The following KIF11 variants were observed in gnomAD, a reference collection of about 807,000 sequenced individuals.
The protein encoded by KIF11 is kinesin-like protein KIF11.
A neutral mutation model predicts 121.0 loss-of-function variants in KIF11; 9 were observed. The observed-to-expected ratio is 0.07, with a 90% CI of 0.04 to 0.13. KIF11 has a LOEUF of 0.13. Ranked by LOEUF, KIF11 falls within the 10% of genes least tolerant of loss-of-function variation. KIF11 has a pLI of 1.00. For synonymous variants in KIF11, 408 were observed against 421.0 expected (o/e 0.97, Z 0.38); for missense variants, 846 against 1,217.5 (o/e 0.69, Z 4.54).
intron 2 of KIF11, 66 bp downstream of exon 2, chr10:92,606,463 C>G: frequency 7.3e-7 from 1 of 1,368,500 alleles, no homozygotes; most frequent in Non-Finnish European, 9.9e-7. Flanking sequence ...CATATTTTAC[C>G]TGGAAAATGG....
At chr10:92,604,836 C>T (rs1844411329) in intron 1 of KIF11, among the ~76,000 whole-genome samples, 1 of 152,124 alleles carries the variant, frequency 6.6e-6, no homozygotes, top group African/African-American at 2.4e-5. Context: ...TGATGCTACT[C>T]TGTGGACTGT....
chr10:92,615,224 T>G (rs1844541102), intron 8 of KIF11, among the ~76,000 whole-genome samples: 1 of 151,952 alleles, frequency 6.6e-6, no homozygotes, highest in Non-Finnish European at 1.5e-5. Context: ...AGCAACATGG[T>G]GAAACCCCAT....
intron 9 of KIF11, among the ~76,000 whole-genome samples, chr10:92,618,027 T>C (rs941766438): frequency 6.6e-6 from 1 of 152,098 alleles, no homozygotes; most frequent in East Asian, 1.9e-4. Flanking sequence ...CGTGAGCCAA[T>C]ACGCCTGGCC....
In KIF11 at chr10:92,639,652, A is replaced by C. The variant is rs1041538688; in HGVS notation, c.2161-142A>C. 1.1e-5 allele frequency: 6 copies of C among 554,548 alleles called. No homozygotes were observed. The African/African-American group carries it at 1.2e-4, about 11-fold the overall frequency. 34.4% of individuals were successfully genotyped at this position (554,548 alleles called of 1,614,324 possible). A position where few individuals can be genotyped will look rare whatever the true frequency, so the allele number is the denominator to read the frequency against. On this transcript the variant is annotated intron_variant, in intron 16 of 21. Coordinates refer to ENST00000260731, the MANE Select transcript of KIF11 (RefSeq NM_004523.4). ...CTTCCACTGCTTTCCTCTGTAGAAG[A>C]AAGGTAAAGTTAACTTTATCTCTTG... is the stretch of plus-strand genomic sequence containing the variant.
chr10:92,650,327 C>A, intron 20 of KIF11, 74 bp from the exon 21 acceptor site: 1 of 835,274 alleles, frequency 1.2e-6, no homozygotes, highest in Non-Finnish European at 2.1e-6. Context: ...TTGTGTTATA[C>A]TCAAAGCTGC....
intron 6 of KIF11, among the ~76,000 whole-genome samples, chr10:92,612,248 A>G (rs1463658693): frequency 4.0e-5 from 6 of 151,524 alleles, no homozygotes; most frequent in Admixed American, 3.3e-4. Context: ...TGATCCTCCC[A>G]CCTGAGCCTC....
intron 10 of KIF11, among the ~76,000 whole-genome samples, chr10:92,628,492 G>A (rs1273538922): frequency 2.0e-5 from 3 of 152,040 alleles, no homozygotes; most frequent in African/African-American, 4.8e-5. Flanking sequence ...GTTATAGTCC[G>A]TCCTCTGTTA....
At chr10:92,610,531 G>A (rs751967864) in intron 6 of KIF11, among the ~76,000 whole-genome samples, 4 of 152,112 alleles carry the variant, frequency 2.6e-5, no homozygotes, top group Non-Finnish European at 4.4e-5. Context: ...TAAAACAGAA[G>A]TGGTTTTTTT....
intron 10 of KIF11, among the ~76,000 whole-genome samples, chr10:92,624,777 T>G (rs76564654): frequency 6.6e-6 from 1 of 151,658 alleles, no homozygotes; most frequent in Non-Finnish European, 1.5e-5. Flanking sequence ...GTGTGGTTTT[T>G]TTTTTTTTTT....
At chr10:92,612,344 C>T (rs1317300173) in intron 6 of KIF11, among the ~76,000 whole-genome samples, 1 of 152,082 alleles carries the variant, frequency 6.6e-6, no homozygotes, top group Admixed American at 6.5e-5. Flanking sequence ...CACTATGTTG[C>T]CCAGGCTGGT....
At chr10:92,651,415 A>C (rs1443921832) in intron 21 of KIF11, among the ~76,000 whole-genome samples, 1 of 142,234 alleles carries the variant, frequency 7.0e-6, no homozygotes, top group Non-Finnish European at 1.5e-5. Context: ...GGCTCACCGC[A>C]ACTTCCACCT....
rs964681894 is a variant in KIF11, at chr10:92,621,266, A to G, written c.1129-119A>G. ...AAGTATGGTTATAACTTTTTATCATACTTCTTTAAGTTTTAAAAGACATAA... is the reference window on the plus strand; with the variant it reads ...AAGTATGGTTATAACTTTTTATCATGCTTCTTTAAGTTTTAAAAGACATAA... On this transcript the variant is annotated intron_variant, in intron 9 of 21. Coordinates refer to ENST00000260731, the MANE Select transcript of KIF11 (RefSeq NM_004523.4). The G allele has an allele frequency of 7.6e-6, 4 of 524,496 alleles. No homozygotes were observed. In the African/African-American group the frequency reaches 7.8e-5, roughly 10 times the overall value. The allele number at this position is 524,496 out of a possible 1,614,324, so 32.5% of individuals were successfully genotyped here. A position where few individuals can be genotyped will look rare whatever the true frequency, so the allele number is the denominator to read the frequency against.
chr10:92,594,543 C>T (rs1252093573), intron 1 of KIF11, among the ~76,000 whole-genome samples: 1 of 152,108 alleles, frequency 6.6e-6, no homozygotes, highest in African/African-American at 2.4e-5. Flanking sequence ...TTAATAAAAC[C>T]AGGCAATATT....
rs1367590468 is a variant in KIF11, at chr10:92,649,939, TTAA to T, written c.2877_2879del (p.Met961del). 6.2e-7 allele frequency: 1 copy of T among 1,613,556 alleles called. No individual in the cohort carries two copies. Among genetic ancestry groups the T allele is most frequent in the Non-Finnish European group, 8.5e-7 (1 of 1,179,660 alleles). ...GCTGAAAAGGAAACAGCCTGAGCTG[TTAA>T]TGATGCTAAACTGTTCAGAAAACAA... On this transcript the variant is annotated inframe_deletion, in exon 20 of 22. Coordinates refer to ENST00000260731, the MANE Select transcript of KIF11 (RefSeq NM_004523.4).
At position 92,597,200 on chromosome 10, in the gene KIF11, A is replaced by C. The variant is rs189238651; in HGVS notation, c.77+3748A>C. On this transcript the variant is annotated intron_variant, in intron 1 of 21. Transcript: ENST00000260731. ...TCTGACAATGTATTTGACTTTGGAG[A>C]ACACAGGGGTCTGGCCTATGAGCTG... is the stretch of plus-strand genomic sequence containing the variant. 2.1e-3 allele frequency: 571 copies of C among 269,900 alleles called. 1 individual carries two copies. The highest frequency in any genetic ancestry group is 0.011 in the African/African-American group (505 of 44,192). 16.7% of individuals were successfully genotyped at this position (269,900 alleles called of 1,614,324 possible). A position where few individuals can be genotyped will look rare whatever the true frequency, so the allele number is the denominator to read the frequency against.
At chr10:92,650,106 A>G in intron 20 of KIF11, 120 bp downstream of exon 20, 1 of 724,896 alleles carries the variant, frequency 1.4e-6, no homozygotes, top group South Asian at 2.0e-5. Flanking sequence ...CATTAATGAT[A>G]GGCCTAGCCC....
chr10:92,652,539 A>G (rs1801979777), intron 21 of KIF11, among the ~76,000 whole-genome samples: 1 of 152,216 alleles, frequency 6.6e-6, no homozygotes, highest in African/African-American at 2.4e-5. Flanking sequence ...TCAGATTCTC[A>G]TAAATTCCTC....
At chr10:92,629,944 T>C (rs1360582932) in intron 11 of KIF11, among the ~76,000 whole-genome samples, 1 of 152,112 alleles carries the variant, frequency 6.6e-6, no homozygotes, top group Non-Finnish European at 1.5e-5. Context: ...TTCAAATCCA[T>C]TGACAATGTT....
chr10:92,631,291 T>C (rs9731595), intron 12 of KIF11, among the ~76,000 whole-genome samples: 21,368 of 147,692 alleles, frequency 0.14, 3,370 homozygotes, highest in African/African-American at 0.39. Flanking sequence ...AAGACTCTGT[T>C]TCAGAAAAAA....
Sources: allele counts gnomAD v4.1 joint callset (sites outside exome capture counted in the v4.1 genomes callset), GRCh38; gene constraint gnomAD v4.1.1; transcripts MANE v1.5; gene names NCBI Gene and HGNC (gene_info 2026-07-23, HGNC 2026-07-21).